MAPRE2: variants seen among roughly 807,000 people sequenced by gnomAD.
MAPRE2 encodes microtubule-associated protein RP/EB family member 2.
Under a neutral mutation model 43.2 loss-of-function variants are expected in MAPRE2, and 13 were observed. The observed-to-expected ratio is 0.30, with a 90% confidence interval of 0.20 to 0.48. The LOEUF is 0.48. Among genes scored for constraint, MAPRE2 ranks in the 20% least tolerant of loss-of-function variants. The pLI, the probability that MAPRE2 is intolerant of heterozygous loss-of-function variation, is 0.99. For synonymous variants in MAPRE2, 135 were observed against 148.8 expected (o/e 0.91, Z 0.68); for missense variants, 161 against 400.2 (o/e 0.40, Z 5.10).
chr18:35,110,435 T>G (rs568358715), intron 4 of MAPRE2, among the ~76,000 whole-genome samples: 1 of 152,176 alleles, frequency 6.6e-6, no homozygotes, highest in African/African-American at 2.4e-5. Flanking sequence ...AGAAAACTTA[T>G]GTGGTTCACA....
chr18:35,074,286 G>A (rs543510675), intron 2 of MAPRE2, among the ~76,000 whole-genome samples: 69 of 151,504 alleles, frequency 4.6e-4, no homozygotes, highest in African/African-American at 1.5e-3. Context: ...GGGGTGATAG[G>A]GAATTTTTTT....
chr18:34,985,491 T>TATTATATAATATATAATATATATATTAC (rs1568961918), intron 1 of MAPRE2, among the ~76,000 whole-genome samples: 1 of 45,626 alleles, frequency 2.2e-5, no homozygotes, highest in Non-Finnish European at 3.6e-5. Context: ...ATATATATTG[T>TATTATATAATATATAATATATATATTAC]ATATTATATA....
At position 35,142,192 on chromosome 18, in the gene MAPRE2, A is replaced by G. The variant is rs865989286; in HGVS notation, c.*1823A>G. The G allele has an allele frequency of 1.3e-5, 2 of 152,266 alleles. No homozygotes were observed. Among genetic ancestry groups the G allele is most frequent in the South Asian group, 4.1e-4 (2 of 4,830 alleles). The allele number at this position is 152,266 out of a possible 1,614,324, so 9.4% of individuals were successfully genotyped here. A position where few individuals can be genotyped will look rare whatever the true frequency, so the allele number is the denominator to read the frequency against. On this transcript the variant is annotated 3_prime_UTR_variant, in exon 7 of 7. Coordinates refer to ENST00000300249, the MANE Select transcript of MAPRE2 (RefSeq NM_014268.4). ...AAGTAGTAGTGGCTGTGCTATACCCAGCATCATGCTTAACAGCGTGTTGCC... is the reference window on the plus strand; with the variant it reads ...AAGTAGTAGTGGCTGTGCTATACCCGGCATCATGCTTAACAGCGTGTTGCC...
chr18:35,031,843 T>C (rs567559195), intron 2 of MAPRE2, among the ~76,000 whole-genome samples: 1 of 152,342 alleles, frequency 6.6e-6, no homozygotes, highest in African/African-American at 2.4e-5. Flanking sequence ...GAAGAGGCTT[T>C]CTTCATCTGG....
intron 2 of MAPRE2, among the ~76,000 whole-genome samples, chr18:35,019,587 T>G (rs2097040694): frequency 6.6e-6 from 1 of 152,084 alleles, no homozygotes; most frequent in Non-Finnish European, 1.5e-5. Flanking sequence ...CTTTACTTTA[T>G]GTCATAAGCA....
At chr18:34,988,017 A>T (rs1269345270) in intron 1 of MAPRE2, among the ~76,000 whole-genome samples, 1 of 152,184 alleles carries the variant, frequency 6.6e-6, no homozygotes, top group Non-Finnish European at 1.5e-5. Context: ...TTCCTTGATT[A>T]ACCTGTAAAT....
intron 1 of MAPRE2, among the ~76,000 whole-genome samples, chr18:34,992,643 T>A (rs66707523): frequency 2.0e-5 from 3 of 152,120 alleles, no homozygotes; most frequent in African/African-American, 7.2e-5. Context: ...TTTTTTCCTT[T>A]GGGGAATCCA....
intron 1 of MAPRE2, among the ~76,000 whole-genome samples, chr18:35,058,820 T>C (rs545202772): frequency 6.6e-6 from 1 of 152,184 alleles, no homozygotes; most frequent in Non-Finnish European, 1.5e-5. Context: ...CACAATTGTG[T>C]CCTCACTTGG....
At chr18:35,116,664 T>C (rs763284472) in intron 4 of MAPRE2, among the ~76,000 whole-genome samples, 11 of 152,188 alleles carry the variant, frequency 7.2e-5, no homozygotes, top group Non-Finnish European at 1.2e-4. Flanking sequence ...CCAACAAAGA[T>C]GCTTACTTCG....
At chr18:35,095,363 TACACAC>T (rs34361204) in intron 2 of MAPRE2, among the ~76,000 whole-genome samples, 1,813 of 136,148 alleles carry the variant, frequency 0.013, 18 homozygotes, top group Non-Finnish European at 0.019. Flanking sequence ...TTTAAGAAAA[TACACAC>T]ACACACACAC....
At position 35,032,872 on chromosome 18, in the gene MAPRE2, G is replaced by A. The variant is rs986282506; in HGVS notation, c.-8+27319G>A. ...TGAAAGTAGGATCAATTCATCTGAT[G>A]CCTAACAGTTGGTCATTAATTAACA... On this transcript the variant is annotated intron_variant, in intron 2 of 7. Transcript: ENST00000413393. Among the ~76,000 whole-genome samples the A allele has an allele frequency of 2.0e-5, 3 of 152,186 alleles. No individual in the cohort carries two copies. In the South Asian group the frequency reaches 6.2e-4, roughly 32 times the overall value.
intron 1 of MAPRE2, among the ~76,000 whole-genome samples, chr18:35,057,910 C>T (rs559933809): frequency 6.6e-6 from 1 of 152,294 alleles, no homozygotes; most frequent in East Asian, 1.9e-4. Flanking sequence ...AGCTGAACAT[C>T]GTTTATCTTA....
At chr18:34,998,590 G>A (rs2097027718) in intron 1 of MAPRE2, among the ~76,000 whole-genome samples, 1 of 151,704 alleles carries the variant, frequency 6.6e-6, no homozygotes, top group African/African-American at 2.4e-5. Context: ...GCCTCCCAAA[G>A]TGCTGGGATT....
intron 3 of MAPRE2, among the ~76,000 whole-genome samples, chr18:35,100,224 AAT>A (rs1355851155): frequency 1.6e-4 from 24 of 152,254 alleles, no homozygotes; most frequent in African/African-American, 5.8e-4. Context: ...ATCCAGTGAT[AAT>A]ATAATTCACA....
At chr18:35,098,078 T>C (rs1908508570) in intron 3 of MAPRE2, among the ~76,000 whole-genome samples, 1 of 152,136 alleles carries the variant, frequency 6.6e-6, no homozygotes, top group African/African-American at 2.4e-5. Flanking sequence ...CAGTGTCCGG[T>C]ATAGTGTGTG....
chr18:35,084,341 G>C (rs1907774099), intron 2 of MAPRE2, among the ~76,000 whole-genome samples: 1 of 152,292 alleles, frequency 6.6e-6, no homozygotes, highest in South Asian at 2.1e-4. Flanking sequence ...TTGAAAGCAG[G>C]TTATAAACAG....
chr18:35,062,332 TCTAAG>T (rs1472693158), intron 1 of MAPRE2, among the ~76,000 whole-genome samples: 5 of 152,256 alleles, frequency 3.3e-5, no homozygotes, highest in African/African-American at 1.2e-4. Flanking sequence ...AGATGCCACT[TCTAAG>T]AGAAGAAAAT....
At chr18:35,085,973 C>T (rs1356364655) in intron 2 of MAPRE2, among the ~76,000 whole-genome samples, 2 of 152,152 alleles carry the variant, frequency 1.3e-5, no homozygotes, top group Admixed American at 6.5e-5. Context: ...TGATTCACAT[C>T]ATGAAGAGTA....
intron 2 of MAPRE2, among the ~76,000 whole-genome samples, chr18:35,091,937 T>C (rs754319068): frequency 8.5e-5 from 13 of 152,244 alleles, no homozygotes; most frequent in Admixed American, 8.5e-4. Context: ...TATTGGCTTC[T>C]GCTTCTGGGG....
Sources: allele counts gnomAD v4.1 joint callset (sites outside exome capture counted in the v4.1 genomes callset), GRCh38; gene constraint gnomAD v4.1.1; transcripts MANE v1.5; gene names NCBI Gene and HGNC (gene_info 2026-07-23, HGNC 2026-07-21).